BPTF: variants seen among roughly 807,000 people sequenced by gnomAD.
The protein encoded by BPTF is nucleosome-remodeling factor subunit BPTF.
Under a neutral mutation model 292.5 loss-of-function variants are expected in BPTF, and 18 were observed. The ratio of observed to expected loss-of-function variants is 0.06; its 90% CI spans 0.04 to 0.09. BPTF has a LOEUF of 0.09. BPTF is among the 10% of genes least tolerant of loss of function. BPTF has a pLI of 1.00. For missense variants in BPTF, 2,726 were observed against 3,498.7 expected (o/e 0.78, Z 5.57); for synonymous variants, 1,225 against 1,251.9 (o/e 0.98, Z 0.45).
intron 2 of BPTF, among the ~76,000 whole-genome samples, chr17:67,856,718 G>A (rs2058713050): frequency 6.6e-6 from 1 of 152,158 alleles, no homozygotes; most frequent in African/African-American, 2.4e-5. Flanking sequence ...AAGCATGAAG[G>A]TCTTGCTGGT....
chr17:67,904,658 T>C, intron 8 of BPTF, 44 bp from the exon 9 acceptor site: 1 of 1,461,778 alleles, frequency 6.8e-7, no homozygotes, highest in African/African-American at 1.4e-5. Flanking sequence ...TTTATAAGCA[T>C]TGTTATTCTT....
intron 1 of BPTF, among the ~76,000 whole-genome samples, chr17:67,837,128 GC>G (rs1481853991): frequency 6.6e-6 from 1 of 152,078 alleles, no homozygotes; most frequent in Non-Finnish European, 1.5e-5. Context: ...GACATGAAGT[GC>G]CCCCCTTTTT....
At chr17:67,882,077 C>T (rs533702050) in intron 4 of BPTF, among the ~76,000 whole-genome samples, 3 of 151,740 alleles carry the variant, frequency 2.0e-5, no homozygotes, top group East Asian at 3.9e-4. Flanking sequence ...TCAGGTGATC[C>T]GCCCACTTCA....
At chr17:67,848,271 C>G (rs1050792874) in intron 1 of BPTF, among the ~76,000 whole-genome samples, 1 of 152,116 alleles carries the variant, frequency 6.6e-6, no homozygotes, top group African/African-American at 2.4e-5. Flanking sequence ...ACCCCTGCAT[C>G]TCTGCCCTCG....
At position 67,911,996 on chromosome 17, in the gene BPTF, C is replaced by G; in HGVS notation, c.4112C>G (p.Pro1371Arg). 6.2e-7 allele frequency: 1 copy of G among 1,613,710 alleles called. No individual in the cohort carries two copies. The highest frequency in any genetic ancestry group is 8.5e-7 in the Non-Finnish European group (1 of 1,179,886). Residue 1371 changes from proline to arginine, a missense_variant, in exon 11 of 28, where the codon CCA becomes CGA. Coordinates refer to ENST00000306378, the MANE Select transcript of BPTF (RefSeq NM_182641.4). Reference protein sequence around the residue: ...PSQQKKLEERPVNKCSDQIKL... With the variant: ...PSQQKKLEERRVNKCSDQIKL... ...CAGCAGAAGAAATTAGAGGAGAGAC[C>G]AGTTAATAAATGTAGTGATCAAATA... is the stretch of plus-strand genomic sequence containing the variant.
chr17:67,949,664 TATATATATATACACACAGACATAC>T lies in BPTF; in HGVS notation c.7926+1376_7926+1399del, dbSNP rs1555677337. On this transcript the variant is annotated intron_variant, in intron 23 of 27. Coordinates refer to ENST00000306378, the MANE Select transcript of BPTF (RefSeq NM_182641.4). ...ACATATATATATATACACACAGACA[TATATATATATACACACAGACATAC>T]ATATATATATACACACATGTATATA... Among the ~76,000 whole-genome samples, 62 of 27,998 alleles carry T rather than the reference TATATATATATACACACAGACATAC, an allele frequency of 2.2e-3. 1 individual carries two copies. The Non-Finnish European group carries it at 0.067, about 30-fold the overall frequency. The allele number at this position is 27,998 out of a possible 152,430, so 18.4% of individuals were successfully genotyped here. A position where few individuals can be genotyped will look rare whatever the true frequency, so the allele number is the denominator to read the frequency against.
At chr17:67,846,669 A>C (rs1026771727) in intron 1 of BPTF, among the ~76,000 whole-genome samples, 4 of 152,138 alleles carry the variant, frequency 2.6e-5, no homozygotes, top group Non-Finnish European at 5.9e-5. Flanking sequence ...AGGAAGTCTA[A>C]TATAGTAGTA....
intron 3 of BPTF, among the ~76,000 whole-genome samples, chr17:67,868,281 A>G (rs74490420): frequency 0.016 from 2,386 of 152,240 alleles, 33 homozygotes; most frequent in Non-Finnish European, 0.027. Flanking sequence ...AGAGGCAATC[A>G]TTATTGCTGT....
In BPTF at chr17:67,945,391, C is replaced by A. The variant is rs2065729378; in HGVS notation, c.6701-18C>A. On this transcript the variant is annotated intron_variant, in intron 20 of 27. Coordinates refer to ENST00000306378, the MANE Select transcript of BPTF (RefSeq NM_182641.4). ...ATGTTCCAGAGTAATAGAAATGGTT[C>A]ATCTTTCCTTTTTACAGGTACAGGT... The A allele has an allele frequency of 6.3e-7, 1 of 1,593,364 alleles. No homozygotes were observed. The highest frequency in any genetic ancestry group is 1.1e-5 in the South Asian group (1 of 87,972).
At chr17:67,855,763 C>G (rs1160721792) in intron 2 of BPTF, among the ~76,000 whole-genome samples, 1 of 152,196 alleles carries the variant, frequency 6.6e-6, no homozygotes, top group Non-Finnish European at 1.5e-5. Flanking sequence ...TCAAAGCCCT[C>G]TTCCAGTTCT....
intron 1 of BPTF, among the ~76,000 whole-genome samples, chr17:67,835,260 T>C (rs1197449356): frequency 6.6e-6 from 1 of 152,144 alleles, no homozygotes; most frequent in Non-Finnish European, 1.5e-5. Flanking sequence ...CCTGTGGCAC[T>C]AGCTGTTATA....
chr17:67,946,335 T>C lies in BPTF; in HGVS notation c.7617+10T>C, dbSNP rs371091437. The C allele has an allele frequency of 2.3e-4, 370 of 1,611,784 alleles. 1 individual carries two copies. Among genetic ancestry groups the C allele is most frequent in the Admixed American group, 3.0e-4 (18 of 59,890 alleles). Reference sequence around the variant, plus strand: ...AATCATTCAGAAACAGGTAAAGTTATTAAGTAAAAGCAGCATGTTCAGTAG... The same window carrying C: ...AATCATTCAGAAACAGGTAAAGTTACTAAGTAAAAGCAGCATGTTCAGTAG... On this transcript the variant is annotated intron_variant, in intron 21 of 27. Coordinates refer to ENST00000306378, the MANE Select transcript of BPTF (RefSeq NM_182641.4).
chr17:67,845,025 G>A (rs946542503), intron 1 of BPTF, among the ~76,000 whole-genome samples: 3 of 152,214 alleles, frequency 2.0e-5, no homozygotes, highest in Non-Finnish European at 4.4e-5. Context: ...TTACAGGCAT[G>A]AGCCACTGCG....
chr17:67,889,462 A>G (rs568301101), intron 4 of BPTF, among the ~76,000 whole-genome samples: 8 of 152,310 alleles, frequency 5.3e-5, no homozygotes, highest in African/African-American at 1.7e-4. Flanking sequence ...ACAGGACTTT[A>G]TAGATGGTCC....
chr17:67,922,880 A>G lies in BPTF; in HGVS notation c.5598A>G (p.Ala1866=). 1.2e-6 allele frequency: 2 copies of G among 1,613,974 alleles called. No individual in the cohort carries two copies. The highest frequency in any genetic ancestry group is 1.3e-5 in the African/African-American group (1 of 75,034). ...AGAGGAAAGGCCTTCGATCAAGTGC[A>G]CTGCGGCCAAAGAGACCAGAAACGC... ...TPQRKGLRSS[A]LRPKRPETPK... The change falls in exon 14 of 28, where the codon GCA becomes GCG. Residue 1866 remains alanine, a synonymous_variant. Coordinates refer to ENST00000306378, the MANE Select transcript of BPTF (RefSeq NM_182641.4).
At chr17:67,920,186 C>T in intron 13 of BPTF, 43 bp downstream of exon 13, 2 of 1,560,306 alleles carry the variant, frequency 1.3e-6, no homozygotes, top group Non-Finnish European at 1.7e-6. Flanking sequence ...ACCTGTTAAC[C>T]ATGTATTTTA....
chr17:67,849,295 A>C (rs915851412), intron 1 of BPTF, among the ~76,000 whole-genome samples: 1 of 152,226 alleles, frequency 6.6e-6, no homozygotes, highest in African/African-American at 2.4e-5. Context: ...ATTTCAGGGC[A>C]GCTTTTCAAA....
intron 11 of BPTF, among the ~76,000 whole-genome samples, chr17:67,918,127 G>A (rs1055416166): frequency 1.2e-4 from 18 of 150,368 alleles, no homozygotes; most frequent in African/African-American, 4.4e-4. Flanking sequence ...ATAGAGATGG[G>A]GTTTTGCCAT....
intron 20 of BPTF, among the ~76,000 whole-genome samples, chr17:67,944,993 G>T (rs1300158944): frequency 6.6e-6 from 1 of 152,010 alleles, no homozygotes; most frequent in Non-Finnish European, 1.5e-5. Flanking sequence ...CATTTCAAAG[G>T]CATAGACCTT....
Sources: gnomAD v4.1 joint callset for allele counts (sites outside exome capture counted in the v4.1 genomes callset) on GRCh38, gnomAD v4.1.1 for gene constraint, MANE v1.5 for transcripts, NCBI Gene and HGNC (gene_info 2026-07-23, HGNC 2026-07-21) for gene names.